DEUP1: variants seen among roughly 807,000 people sequenced by gnomAD.
DEUP1 encodes the protein deuterosome assembly protein 1, also known as coiled-coil domain containing 67.
A neutral mutation model predicts 87.4 loss-of-function variants in DEUP1; 82 were observed. The ratio of observed to expected loss-of-function variants is 0.94; its 90% CI spans 0.78 to 1.13. The LOEUF is 1.13. Ranked by LOEUF, DEUP1 falls within the 50% of genes most tolerant of loss-of-function variation. The pLI, the probability that DEUP1 is intolerant of heterozygous loss-of-function variation, is 0.00. For synonymous variants in DEUP1, 214 were observed against 222.7 expected (o/e 0.96, Z 0.35); for missense variants, 663 against 681.5 (o/e 0.97, Z 0.30).
Position 93,374,763 on chromosome 11 carries a change from C to CT in DEUP1, c.789+3490dup, listed in dbSNP as rs529493126. ...TAGTCATGCTTTAGCTATGCAGGCT[C>CT]TTTTTTTGGTTCCATATGAATTCTA... On this transcript the variant is annotated intron_variant, in intron 7 of 13. Transcript: ENST00000298050. 6.6e-5 allele frequency among the ~76,000 whole-genome samples: 10 copies of CT among 152,006 alleles called. No individual in the cohort carries two copies. The South Asian group carries it at 1.9e-3, about 28-fold the overall frequency.
intron 2 of DEUP1, among the ~76,000 whole-genome samples, chr11:93,351,289 G>A (rs776970186): frequency 6.6e-5 from 10 of 152,044 alleles, no homozygotes; most frequent in Non-Finnish European, 1.2e-4. Flanking sequence ...TCCAGACTCT[G>A]CTGTAGGCCT....
In DEUP1 at chr11:93,385,438, A is replaced by G. The variant is rs200366877; in HGVS notation, c.830A>G (p.Gln277Arg). ...CTCTCAGAGGTAAAAAGTGAGTTAC[A>G]GTCACGTGATGATCTCTTGAGAATT... Reference protein sequence around the residue: ...AGLSEVKSELQSRDDLLRIIE... With the variant: ...AGLSEVKSELRSRDDLLRIIE... The change falls in exon 8 of 14, where the codon CAG becomes CGG. Residue 277 changes from glutamine (Q) to arginine (R), a missense_variant. Physicochemically the swap from Gln to Arg is conservative, Grantham distance 43. Coordinates refer to ENST00000298050, the MANE Select transcript of DEUP1 (RefSeq NM_181645.4). 14 of 1,612,784 alleles carry G rather than the reference A, an allele frequency of 8.7e-6. No homozygotes were observed. Among genetic ancestry groups the G allele is most frequent in the Non-Finnish European group, 1.2e-5 (14 of 1,179,388 alleles).
chr11:93,354,410 A>G (rs1351899651), intron 2 of DEUP1, among the ~76,000 whole-genome samples: 1 of 152,140 alleles, frequency 6.6e-6, no homozygotes, highest in Admixed American at 6.5e-5. Flanking sequence ...TGAACCCTCT[A>G]AACTGTTCCA....
chr11:93,407,820 T>G (rs3020075), intron 11 of DEUP1, among the ~76,000 whole-genome samples: 66,179 of 150,850 alleles, frequency 0.44, 15,362 homozygotes, highest in Admixed American at 0.6. Context: ...CTAGCTAATT[T>G]GTTCTGTTAG....
intron 13 of DEUP1, among the ~76,000 whole-genome samples, chr11:93,419,787 A>G (rs1947805655): frequency 6.6e-6 from 1 of 151,802 alleles, no homozygotes; most frequent in Non-Finnish European, 1.5e-5. Flanking sequence ...GGCATGAGAA[A>G]TTTTCCTTCT....
intron 11 of DEUP1, among the ~76,000 whole-genome samples, chr11:93,399,398 G>T (rs1947046134): frequency 6.6e-6 from 1 of 151,688 alleles, no homozygotes. Context: ...GATTAACTTT[G>T]ATTTGGCATT....
chr11:93,370,080 G>A lies in DEUP1; in HGVS notation c.440G>A (p.Arg147Lys). The change falls in exon 6 of 14, where the codon AGA becomes AAA. Residue 147 changes from arginine to lysine, a missense_variant. Transcript: ENST00000298050. ...CTCCCCACTTTTTAAAAGGAATTTA[G>A]AGCAAAGTCAAGAGAATGGGACAAG... ...SNLNQKLEEF[R>K]AKSREWDKQE... The A allele has an allele frequency of 6.3e-7, 1 of 1,586,202 alleles. No homozygotes were observed.
chr11:93,339,552 C>T (rs1475450720), intron 2 of DEUP1, among the ~76,000 whole-genome samples: 1 of 152,134 alleles, frequency 6.6e-6, no homozygotes, highest in African/African-American at 2.4e-5. Context: ...TAGAGGCTAT[C>T]CATTTATATT....
chr11:93,341,533 G>T (rs552620623), intron 2 of DEUP1, among the ~76,000 whole-genome samples: 123 of 152,302 alleles, frequency 8.1e-4, no homozygotes, highest in Middle Eastern at 3.4e-3. Flanking sequence ...TCTTTAGACA[G>T]TGAGGTTACT....
chr11:93,393,242 C>T (rs1464640795), intron 9 of DEUP1, among the ~76,000 whole-genome samples: 1 of 151,952 alleles, frequency 6.6e-6, no homozygotes, highest in African/African-American at 2.4e-5. Flanking sequence ...ACTGAATGCA[C>T]ATGCCACCAC....
rs530296682 is a variant in DEUP1, at chr11:93,401,600, T to C, written c.1326+5275T>C. Reference sequence around the variant, plus strand: ...TGGGACTGGCATAAAAACAGACACATAGACCAATGGAACAGAATAGAGAAC... The same window carrying C: ...TGGGACTGGCATAAAAACAGACACACAGACCAATGGAACAGAATAGAGAAC... On this transcript the variant is annotated intron_variant, in intron 11 of 13. Coordinates refer to ENST00000298050, the MANE Select transcript of DEUP1 (RefSeq NM_181645.4). Among the ~76,000 whole-genome samples the C allele has an allele frequency of 1.2e-3, 187 of 152,114 alleles. No individual in the cohort carries two copies. In the South Asian group the frequency reaches 0.024, roughly 19 times the overall value.
rs756097644 is a variant in DEUP1 at position 93,385,499 on chromosome 11, A to T, written c.891A>T (p.Leu297Phe). The change falls in exon 8 of 14, where the codon TTA (leucine) becomes TTT (phenylalanine). Residue 297 changes from leucine (L) to phenylalanine (F), a missense_variant. Coordinates refer to ENST00000298050, the MANE Select transcript of DEUP1 (RefSeq NM_181645.4). ...EMERLQLHRELLKIGECQNAQ... is the reference protein window; with the variant it reads ...EMERLQLHREFLKIGECQNAQ... ...AACGATTGCAATTACACAGAGAATT[A>T]TTAAAAATAGGAGAGTGCCAAAATG... 15 of 1,611,244 alleles carry T rather than the reference A, an allele frequency of 9.3e-6. No individual in the cohort carries two copies. The South Asian group carries it at 1.4e-4, about 15-fold the overall frequency.
chr11:93,374,834 G>A (rs1945951268), intron 7 of DEUP1, among the ~76,000 whole-genome samples: 1 of 151,930 alleles, frequency 6.6e-6, no homozygotes, highest in African/African-American at 2.4e-5. Flanking sequence ...GTATTTTGAT[G>A]GGAATTTCAT....
intron 13 of DEUP1, 77 bp downstream of exon 13, chr11:93,415,191 C>A (rs186846330): frequency 7.1e-6 from 6 of 850,170 alleles, no homozygotes; most frequent in Non-Finnish European, 1.1e-5. Flanking sequence ...AATAAACTGA[C>A]GTACATAGTA....
At chr11:93,373,632 T>TACAC (rs1252337940) in intron 7 of DEUP1, among the ~76,000 whole-genome samples, 1 of 145,304 alleles carries the variant, frequency 6.9e-6, no homozygotes, top group Non-Finnish European at 1.5e-5. Flanking sequence ...TACGTATATA[T>TACAC]ATATATATAT....
At chr11:93,378,771 C>T (rs973684026) in intron 7 of DEUP1, among the ~76,000 whole-genome samples, 1 of 152,076 alleles carries the variant, frequency 6.6e-6, no homozygotes, top group Non-Finnish European at 1.5e-5. Flanking sequence ...GGGGTGCTCC[C>T]TTGATGTGGT....
intron 7 of DEUP1, among the ~76,000 whole-genome samples, chr11:93,381,355 G>C (rs2925363): frequency 6.6e-6 from 1 of 151,920 alleles, no homozygotes; most frequent in Non-Finnish European, 1.5e-5. Context: ...CAAAACTGTC[G>C]TGACAGTGTT....
chr11:93,400,224 T>C (rs1461048483), intron 11 of DEUP1, among the ~76,000 whole-genome samples: 1 of 150,998 alleles, frequency 6.6e-6, no homozygotes, highest in East Asian at 1.9e-4. Flanking sequence ...ACAACAGAAA[T>C]TTATTGTCTT....
chr11:93,366,533 A>G (rs1406732336), intron 5 of DEUP1, among the ~76,000 whole-genome samples: 1 of 152,182 alleles, frequency 6.6e-6, no homozygotes, highest in Non-Finnish European at 1.5e-5. Flanking sequence ...TCCAGTCTCT[A>G]TAAAAACCCT....
Sources: allele counts gnomAD v4.1 joint callset (sites outside exome capture counted in the v4.1 genomes callset), GRCh38; gene constraint gnomAD v4.1.1; transcripts MANE v1.5; gene names NCBI Gene and HGNC (gene_info 2026-07-23, HGNC 2026-07-21).